AAK1: variants seen among roughly 807,000 people sequenced by gnomAD.
AAK1 encodes the protein AP2-associated protein kinase 1.
A neutral mutation model predicts 116.0 loss-of-function variants in AAK1; 37 were observed. The ratio of observed to expected loss-of-function variants is 0.32; its 90% CI spans 0.25 to 0.42. The LOEUF (loss-of-function observed/expected upper bound fraction) is 0.42. AAK1 is among the 10% of genes least tolerant of loss of function. The probability of loss-of-function intolerance (pLI) is 1.00; values close to 1 mark genes in which losing one functional copy is unlikely to be tolerated. For missense variants in AAK1, 919 were observed against 1,170.6 expected (o/e 0.79, Z 3.14); for synonymous variants, 458 against 439.9 (o/e 1.04, Z -0.51).
intron 19 of AAK1, 97 bp downstream of exon 19, chr2:69,480,763 C>G: frequency 1.9e-6 from 2 of 1,035,650 alleles, no homozygotes; most frequent in South Asian, 3.4e-5. Context: ...ACCTGGGCTT[C>G]AAAATAAGCC....
chr2:69,544,829 C>T (rs1293290713), intron 3 of AAK1, among the ~76,000 whole-genome samples: 4 of 152,120 alleles, frequency 2.6e-5, no homozygotes, highest in Admixed American at 1.3e-4. Flanking sequence ...CAATGCTCCA[C>T]GTAAACTAGA....
intron 2 of AAK1, among the ~76,000 whole-genome samples, chr2:69,591,632 G>T (rs1256399996): frequency 2.0e-5 from 3 of 149,014 alleles, no homozygotes; most frequent in Admixed American, 6.7e-5. Flanking sequence ...GTGCAGTGGC[G>T]CAATCTCGGC....
intron 2 of AAK1, among the ~76,000 whole-genome samples, chr2:69,596,366 C>A (rs1673286365): frequency 6.6e-6 from 1 of 151,970 alleles, no homozygotes; most frequent in South Asian, 2.1e-4. Context: ...GGATTACAGG[C>A]ACCTGCCACC....
chr2:69,640,725 G>A (rs935201106), intron 2 of AAK1, among the ~76,000 whole-genome samples: 12 of 152,160 alleles, frequency 7.9e-5, no homozygotes, highest in East Asian at 7.7e-4. Flanking sequence ...CCAGTTTTAC[G>A]TGACATTCTC....
At chr2:69,553,369 A>G (rs1671255199) in intron 3 of AAK1, among the ~76,000 whole-genome samples, 1 of 151,562 alleles carries the variant, frequency 6.6e-6, no homozygotes. Context: ...ATGATTTCCA[A>G]CTCAGAATTC....
At chr2:69,523,836 C>G (rs1669895680) in intron 10 of AAK1, among the ~76,000 whole-genome samples, 1 of 152,252 alleles carries the variant, frequency 6.6e-6, no homozygotes, top group Non-Finnish European at 1.5e-5. Context: ...TGCTGGCTGA[C>G]TGGCACAAGG....
chr2:69,642,542 T>C (rs1407150439), intron 2 of AAK1, among the ~76,000 whole-genome samples: 1 of 152,112 alleles, frequency 6.6e-6, no homozygotes. Flanking sequence ...TTTAGGAGGA[T>C]GACAAGCCCA....
chr2:69,556,864 A>G lies in AAK1; in HGVS notation c.278T>C (p.Ile93Thr). 1 of 1,611,678 alleles carries G rather than the reference A, an allele frequency of 6.2e-7. No individual in the cohort carries two copies. Among genetic ancestry groups the G allele is most frequent in the Non-Finnish European group, 8.5e-7 (1 of 1,177,784 alleles). Residue 93 changes from isoleucine (I) to threonine (T), a missense_variant, in exon 3 of 22, where the codon ATA (isoleucine) becomes ACA (threonine). Physicochemically the swap from Ile to Thr is moderately conservative, Grantham distance 89. Around this residue, in one of 4 missense-constraint regions of AAK1, gnomAD observed 317 missense variants for 490.4 expected, o/e 0.65. Transcript: ENST00000409085. ...DLQVCKREIQ[I>T]MRDLSGHKNI... ...AAGTCCAAGGGGCAGCCTTACCATTATCTGGATTTCTCTCTTGCACACCTG... is the reference window on the plus strand; with the variant it reads ...AAGTCCAAGGGGCAGCCTTACCATTGTCTGGATTTCTCTCTTGCACACCTG...
chr2:69,515,242 C>G (rs1429990748), intron 12 of AAK1, among the ~76,000 whole-genome samples: 1 of 152,206 alleles, frequency 6.6e-6, no homozygotes, highest in Non-Finnish European at 1.5e-5. Flanking sequence ...TCAAGTCTTA[C>G]TAAAAATTAT....
chr2:69,480,732 G>C, intron 19 of AAK1, 128 bp downstream of exon 19: 1 of 660,878 alleles, frequency 1.5e-6, no homozygotes, highest in Non-Finnish European at 2.5e-6. Context: ...ACAATTCAGA[G>C]TGTCCATTTC....
At chr2:69,605,380 G>A (rs1478834228) in intron 2 of AAK1, among the ~76,000 whole-genome samples, 2 of 152,066 alleles carry the variant, frequency 1.3e-5, no homozygotes, top group African/African-American at 2.4e-5. Flanking sequence ...GTAAACTAGT[G>A]GAAACCCTAA....
At chr2:69,550,118 T>C (rs1671113793) in intron 3 of AAK1, among the ~76,000 whole-genome samples, 2 of 152,194 alleles carry the variant, frequency 1.3e-5, no homozygotes, top group African/African-American at 4.8e-5. Flanking sequence ...AGATGTCTGG[T>C]GAGTGTCCTT....
At chr2:69,557,696 C>A (rs1204011944) in intron 2 of AAK1, among the ~76,000 whole-genome samples, 28 of 152,154 alleles carry the variant, frequency 1.8e-4, no homozygotes, top group Non-Finnish European at 1.5e-5. Context: ...TACAGAGGCT[C>A]AAAGACATCT....
chr2:69,602,058 C>T (rs1050460918), intron 2 of AAK1, among the ~76,000 whole-genome samples: 13 of 152,126 alleles, frequency 8.5e-5, no homozygotes, highest in Non-Finnish European at 1.8e-4. Flanking sequence ...TAAATCTAAG[C>T]ACAGGGAACA....
chr2:69,582,102 C>T (rs578217433), intron 2 of AAK1, among the ~76,000 whole-genome samples: 3 of 152,132 alleles, frequency 2.0e-5, no homozygotes, highest in African/African-American at 7.2e-5. Flanking sequence ...ACCTAATTTA[C>T]AAAATATGTA....
chr2:69,640,615 A>G (rs990508314), intron 2 of AAK1, among the ~76,000 whole-genome samples: 1 of 152,154 alleles, frequency 6.6e-6, no homozygotes, highest in Non-Finnish European at 1.5e-5. Flanking sequence ...TGCTACATAA[A>G]TACTTTGTAT....
chr2:69,482,918 T>C, intron 17 of AAK1, 106 bp from the exon 18 acceptor site: 1 of 669,574 alleles, frequency 1.5e-6, no homozygotes, highest in South Asian at 1.8e-5. Context: ...GGTCAATATT[T>C]GGTACAGGTT....
intron 2 of AAK1, among the ~76,000 whole-genome samples, chr2:69,566,216 G>A (rs1414539166): frequency 6.6e-6 from 1 of 152,150 alleles, no homozygotes; most frequent in Non-Finnish European, 1.5e-5. Flanking sequence ...AGCTTCGGAA[G>A]GAACAAAAGT....
intron 2 of AAK1, among the ~76,000 whole-genome samples, chr2:69,559,780 A>G (rs1671553784): frequency 1.3e-5 from 2 of 152,220 alleles, no homozygotes. Context: ...TGTGAAACAA[A>G]AGGTGGGAAT....
Sources: allele counts gnomAD v4.1 joint callset (sites outside exome capture counted in the v4.1 genomes callset), GRCh38; gene constraint gnomAD v4.1.1; regional missense constraint gnomAD v4.1.1; transcripts MANE v1.5; gene names NCBI Gene and HGNC (gene_info 2026-07-23, HGNC 2026-07-21).